The following B3GLCT variants were observed in gnomAD, a reference collection of about 807,000 sequenced individuals.
B3GLCT encodes the protein beta 3-glucosyltransferase.
B3GLCT carries 65 observed loss-of-function variants against 63.4 expected under a neutral mutation model. That is an observed-to-expected ratio of 1.03 (90% CI 0.84 to 1.26). The LOEUF (loss-of-function observed/expected upper bound fraction) is 1.26. Ranked by LOEUF, B3GLCT falls within the 50% of genes most tolerant of loss-of-function variation. The pLI is 0.00. For missense variants in B3GLCT, 577 were observed against 604.8 expected (o/e 0.95, Z 0.48); for synonymous variants, 233 against 219.2 (o/e 1.06, Z -0.55).
At chr13:31,315,296 G>A (rs1874939420) in intron 12 of B3GLCT, among the ~76,000 whole-genome samples, 1 of 152,146 alleles carries the variant, frequency 6.6e-6, no homozygotes, top group African/African-American at 2.4e-5. Flanking sequence ...GAAACTTGTA[G>A]AATAGTTTTG....
At chr13:31,279,496 A>T (rs567640729) in intron 10 of B3GLCT, among the ~76,000 whole-genome samples, 1 of 152,288 alleles carries the variant, frequency 6.6e-6, no homozygotes, top group Admixed American at 6.5e-5. Context: ...CTGAGCCGTA[A>T]AACCAGCAAG....
At chr13:31,233,705 A>C (rs1038025537) in intron 4 of B3GLCT, among the ~76,000 whole-genome samples, 1 of 152,130 alleles carries the variant, frequency 6.6e-6, no homozygotes, top group Non-Finnish European at 1.5e-5. Context: ...TGGGAAGTGT[A>C]ATGTCTAGTT....
At chr13:31,230,391 T>C (rs1426752343) in intron 4 of B3GLCT, among the ~76,000 whole-genome samples, 2 of 152,204 alleles carry the variant, frequency 1.3e-5, no homozygotes, top group Non-Finnish European at 2.9e-5. Flanking sequence ...AGGAAAGAAC[T>C]CTTTGACAAG....
intron 4 of B3GLCT, among the ~76,000 whole-genome samples, chr13:31,244,457 A>G (rs1032751605): frequency 1.3e-5 from 2 of 152,232 alleles, no homozygotes; most frequent in African/African-American, 4.8e-5. Context: ...GCGCCATTGC[A>G]CTACAGCCTG....
intron 9 of B3GLCT, among the ~76,000 whole-genome samples, chr13:31,275,698 T>C (rs1177483382): frequency 6.6e-6 from 1 of 151,990 alleles, no homozygotes; most frequent in Non-Finnish European, 1.5e-5. Flanking sequence ...TAAGAAAAAA[T>C]GTGTTCACCA....
Position 31,247,855 on chromosome 13 carries a change from T to C in B3GLCT, c.348T>C (p.His116=), listed in dbSNP as rs4943266. 1,511,024 of 1,541,690 alleles carry C rather than the reference T, an allele frequency of 0.98. 740,651 individuals are homozygous for C. The highest frequency in any genetic ancestry group is 1 in the East Asian group (44,383 of 44,384). ...ACTGAAACTTGTTTCTTTTGGTCAG[T>C]TTTTCTGTAACATATAGCAGAAATT... ...GAWTILPLLP[H]FSVTYSRNSS... Residue 116 remains histidine (H), a splice_region_variant and synonymous_variant, in exon 6 of 15, where the codon CAT becomes CAC. Transcript: ENST00000343307.
chr13:31,270,554 A>G (rs1475190369), intron 8 of B3GLCT, among the ~76,000 whole-genome samples: 1 of 152,232 alleles, frequency 6.6e-6, no homozygotes, highest in Non-Finnish European at 1.5e-5. Flanking sequence ...TATGAAAGGT[A>G]TAAAGATTAA....
intron 12 of B3GLCT, among the ~76,000 whole-genome samples, chr13:31,298,458 G>T (rs774771220): frequency 2.0e-5 from 3 of 152,126 alleles, no homozygotes; most frequent in African/African-American, 4.8e-5. Flanking sequence ...AAGCTGGAGC[G>T]GTCTTGGCAA....
intron 6 of B3GLCT, among the ~76,000 whole-genome samples, chr13:31,249,722 A>G (rs1593272606): frequency 6.6e-6 from 1 of 151,244 alleles, no homozygotes; most frequent in African/African-American, 2.4e-5. Context: ...TGCCATGTGT[A>G]AAAAAAAACC....
intron 4 of B3GLCT, among the ~76,000 whole-genome samples, chr13:31,237,633 G>T (rs1012434321): frequency 1.8e-4 from 27 of 152,162 alleles, no homozygotes; most frequent in African/African-American, 6.5e-4. Flanking sequence ...GGGATTACAG[G>T]TGTGAGCCAC....
Position 31,274,549 on chromosome 13 carries a change from T to C in B3GLCT, c.701T>C (p.Leu234Pro). ...YIWDKGGGPP[L>P]TPVPEFCTND... ...TGGGACAAAGGCGGAGGACCTCCCC[T>C]GACCCCAGTGCCTGAGTTTTGTACC... The change falls in exon 9 of 15, where the codon CTG becomes CCG. Residue 234 changes from leucine to proline, a missense_variant. Coordinates refer to ENST00000343307, the MANE Select transcript of B3GLCT (RefSeq NM_194318.4). The C allele has an allele frequency of 6.2e-7, 1 of 1,614,222 alleles. No homozygotes were observed. Among genetic ancestry groups the C allele is most frequent in the East Asian group, 2.2e-5 (1 of 44,872 alleles).
Position 31,204,073 on chromosome 13 carries a change from T to C in B3GLCT, c.70+3919T>C, listed in dbSNP as rs1868815899. On this transcript the variant is annotated intron_variant, in intron 1 of 14. Coordinates refer to ENST00000343307, the MANE Select transcript of B3GLCT (RefSeq NM_194318.4). ...GCTTGCAGCCCGAAAGGCAAGGTGA[T>C]GTTAAGCAGTAATGACTACAGAATG... 2.0e-5 allele frequency among the ~76,000 whole-genome samples: 3 copies of C among 152,292 alleles called. No homozygotes were observed. In the South Asian group the frequency reaches 6.2e-4, roughly 32 times the overall value.
At chr13:31,274,736 G>C (rs1872705790) in intron 9 of B3GLCT, 108 bp downstream of exon 9, 1 of 1,394,248 alleles carries the variant, frequency 7.2e-7, no homozygotes, top group African/African-American at 1.4e-5. Flanking sequence ...GGGCATTCAT[G>C]TGCAAGTTGG....
In B3GLCT at chr13:31,324,021, G is replaced by A. The variant is rs1783573989; in HGVS notation, c.1329+126G>A. 2.4e-6 allele frequency: 3 copies of A among 1,235,792 alleles called. No individual in the cohort carries two copies. In the Middle Eastern group the frequency reaches 5.7e-4, roughly 233 times the overall value. 76.6% of individuals were successfully genotyped at this position (1,235,792 alleles called of 1,614,324 possible). A position where few individuals can be genotyped will look rare whatever the true frequency, so the allele number is the denominator to read the frequency against. On this transcript the variant is annotated intron_variant, in intron 14 of 14. Transcript: ENST00000343307. ...CTAAGAACTGTGTTGACAGGCTCCA[G>A]GGGAATGTCCTTAACCAGGACTGTT...
At chr13:31,218,789 G>A (rs1355473487) in intron 2 of B3GLCT, among the ~76,000 whole-genome samples, 1 of 152,144 alleles carries the variant, frequency 6.6e-6, no homozygotes, top group Admixed American at 6.5e-5. Flanking sequence ...CAAGGGGAAA[G>A]CTTCCAGCTT....
chr13:31,240,898 A>C (rs1256848948), intron 4 of B3GLCT, among the ~76,000 whole-genome samples: 3 of 152,250 alleles, frequency 2.0e-5, no homozygotes, highest in Non-Finnish European at 2.9e-5. Flanking sequence ...TACTTTGGGC[A>C]GCGGCCTGGA....
intron 6 of B3GLCT, among the ~76,000 whole-genome samples, chr13:31,248,838 A>G (rs1483776774): frequency 3.9e-5 from 6 of 152,202 alleles, no homozygotes; most frequent in Admixed American, 6.5e-5. Flanking sequence ...GAATGACTTT[A>G]TAACCCTGTA....
chr13:31,215,129 C>T (rs1186995880), intron 2 of B3GLCT, 29 bp downstream of exon 2: 2 of 1,592,440 alleles, frequency 1.3e-6, no homozygotes, highest in Admixed American at 1.7e-5. Flanking sequence ...AAATCTTTTC[C>T]TCCCTTCTAA....
intron 6 of B3GLCT, among the ~76,000 whole-genome samples, chr13:31,253,235 C>T (rs1871524811): frequency 6.6e-6 from 1 of 152,138 alleles, no homozygotes; most frequent in Non-Finnish European, 1.5e-5. Context: ...AAATCTATAG[C>T]ACTAAATGCC....
Sources: allele counts gnomAD v4.1 joint callset (sites outside exome capture counted in the v4.1 genomes callset), GRCh38; gene constraint gnomAD v4.1.1; transcripts MANE v1.5; gene names NCBI Gene and HGNC (gene_info 2026-07-23, HGNC 2026-07-21).